AFF3: variants seen among roughly 807,000 people sequenced by gnomAD.
AFF3 encodes ALF transcription elongation factor 3.
In AFF3, 32 loss-of-function variants were observed where a neutral mutation model predicts 129.7. The ratio of observed to expected loss-of-function variants is 0.25; its 90% CI spans 0.19 to 0.33. The LOEUF is 0.33. Ranked by LOEUF, AFF3 falls within the 10% of genes least tolerant of loss-of-function variation. The probability of loss-of-function intolerance (pLI) is 1.00; values close to 1 mark genes in which losing one functional copy is unlikely to be tolerated. For synonymous variants in AFF3, 644 were observed against 635.4 expected (o/e 1.01, Z -0.20); for missense variants, 1,373 against 1,592.0 (o/e 0.86, Z 2.34).
intron 11 of AFF3, among the ~76,000 whole-genome samples, chr2:99,673,180 T>A (rs530881252): frequency 2.0e-5 from 3 of 151,832 alleles, no homozygotes; most frequent in Non-Finnish European, 2.9e-5. Flanking sequence ...GGGGCTTTCA[T>A]GGTAAAGAGA....
At chr2:99,787,360 G>A (rs1684877302) in intron 8 of AFF3, among the ~76,000 whole-genome samples, 1 of 152,120 alleles carries the variant, frequency 6.6e-6, no homozygotes. Flanking sequence ...CCTTCGGATA[G>A]CTGTGACCCC....
rs3072544 is a variant in AFF3, at chr2:99,867,576, TAAA to T, written c.874-30055_874-30053del. On this transcript the variant is annotated intron_variant, in intron 7 of 24. Transcript: ENST00000672756. ...CTCCCCAAGGCCTATATTTCTATAT[TAAA>T]AAAAAAAAAAAAAACATAGCTGGCA... Among the ~76,000 whole-genome samples, 122 of 141,352 alleles carry T rather than the reference TAAA, an allele frequency of 8.6e-4. 2 individuals carry two copies. The East Asian group carries it at 0.017, about 20-fold the overall frequency. 92.7% of individuals were successfully genotyped at this position (141,352 alleles called of 152,430 possible). A position where few individuals can be genotyped will look rare whatever the true frequency, so the allele number is the denominator to read the frequency against.
At chr2:99,812,511 A>G (rs1424786819) in intron 8 of AFF3, among the ~76,000 whole-genome samples, 1 of 152,230 alleles carries the variant, frequency 6.6e-6, no homozygotes, top group Non-Finnish European at 1.5e-5. Context: ...GGCATCGTCC[A>G]TGACTCTGAC....
chr2:100,086,792 G>A (rs902776374), intron 4 of AFF3, among the ~76,000 whole-genome samples: 10 of 152,170 alleles, frequency 6.6e-5, no homozygotes, highest in Non-Finnish European at 1.3e-4. Context: ...TAATAGAAAA[G>A]CTAAGATTTA....
chr2:100,141,414 T>C (rs1456325526), intron 1 of AFF3, among the ~76,000 whole-genome samples: 4 of 152,240 alleles, frequency 2.6e-5, no homozygotes, highest in Non-Finnish European at 1.5e-5. Context: ...TGAGATGGGA[T>C]AGCCCTAGGT....
At chr2:100,088,938 C>G (rs1689657498) in intron 4 of AFF3, among the ~76,000 whole-genome samples, 1 of 152,232 alleles carries the variant, frequency 6.6e-6, no homozygotes, top group African/African-American at 2.4e-5. Context: ...TGGTATCTAT[C>G]CTAATAATAC....
chr2:99,738,741 A>G (rs1404297212), intron 10 of AFF3, among the ~76,000 whole-genome samples: 1 of 152,100 alleles, frequency 6.6e-6, no homozygotes, highest in Non-Finnish European at 1.5e-5. Context: ...GTAAGTGGGC[A>G]GGGTATGCTG....
At chr2:99,854,592 T>C (rs980096863) in intron 7 of AFF3, among the ~76,000 whole-genome samples, 1 of 152,214 alleles carries the variant, frequency 6.6e-6, no homozygotes, top group Admixed American at 6.5e-5. Context: ...AGTCATTAAT[T>C]ACAGCTCACA....
intron 11 of AFF3, among the ~76,000 whole-genome samples, chr2:99,690,691 C>G (rs186881741): frequency 6.6e-6 from 1 of 151,826 alleles, no homozygotes; most frequent in Non-Finnish European, 1.5e-5. Flanking sequence ...AATCCATGTA[C>G]GACTTTTTAG....
intron 7 of AFF3, among the ~76,000 whole-genome samples, chr2:99,972,456 C>T (rs577039738): frequency 6.6e-6 from 1 of 152,248 alleles, no homozygotes; most frequent in Non-Finnish European, 1.5e-5. Context: ...AAGAAGGGGA[C>T]GTTTAGAAAA....
At chr2:99,604,147 A>T (rs1370615721) in intron 13 of AFF3, among the ~76,000 whole-genome samples, 1 of 152,142 alleles carries the variant, frequency 6.6e-6, no homozygotes, top group African/African-American at 2.4e-5. Flanking sequence ...AATATAGATC[A>T]CTCTATCATA....
intron 2 of AFF3, among the ~76,000 whole-genome samples, chr2:100,118,152 A>T (rs568356193): frequency 1.3e-5 from 2 of 152,306 alleles, no homozygotes; most frequent in South Asian, 4.1e-4. Flanking sequence ...TTAGATCCTT[A>T]ATGCCCTTAT....
intron 8 of AFF3, among the ~76,000 whole-genome samples, chr2:99,766,580 G>T (rs1683040232): frequency 6.6e-6 from 1 of 152,086 alleles, no homozygotes; most frequent in South Asian, 2.1e-4. Flanking sequence ...TCAGAAATAA[G>T]GTTAAACTAT....
chr2:100,001,305 T>C (rs909039028), intron 7 of AFF3, among the ~76,000 whole-genome samples: 16 of 152,232 alleles, frequency 1.1e-4, no homozygotes, highest in Non-Finnish European at 1.8e-4. Context: ...AAAAAGTCTC[T>C]AGCACCTTCA....
intron 11 of AFF3, among the ~76,000 whole-genome samples, chr2:99,688,412 C>T (rs779042335): frequency 6.6e-6 from 1 of 152,184 alleles, no homozygotes; most frequent in Non-Finnish European, 1.5e-5. Flanking sequence ...AGATGCTTGA[C>T]CAGCAAAAGC....
intron 4 of AFF3, among the ~76,000 whole-genome samples, chr2:100,030,194 C>T (rs1684383183): frequency 1.3e-5 from 2 of 152,068 alleles, no homozygotes; most frequent in African/African-American, 4.8e-5. Flanking sequence ...TACATGTTGA[C>T]ACATTTCATT....
At chr2:99,917,989 TA>T (rs1199132495) in intron 7 of AFF3, among the ~76,000 whole-genome samples, 2 of 152,194 alleles carry the variant, frequency 1.3e-5, no homozygotes, top group African/African-American at 4.8e-5. Flanking sequence ...GCCTGAATGG[TA>T]ATATGCTAGT....
chr2:100,091,088 G>C (rs1312222456), intron 4 of AFF3, among the ~76,000 whole-genome samples: 1 of 152,024 alleles, frequency 6.6e-6, no homozygotes, highest in Non-Finnish European at 1.5e-5. Flanking sequence ...GTGATGTGTA[G>C]GGGCTCTGGA....
Position 99,648,917 on chromosome 2 carries a change from A to ACACACACACACACACT in AFF3, c.1184+708_1184+709insAGTGTGTGTGTGTGTG. On this transcript the variant is annotated intron_variant, in intron 13 of 24. Transcript: ENST00000672756. Reference sequence around the variant, plus strand: ...CACACACACACACACACACACACACACTCTCTCTCTCTCTCTCTCTCCAAT... The same window carrying ACACACACACACACACT: ...CACACACACACACACACACACACACACACACACACACACACTCTCTCTCTCTCTCTCTCTCTCCAAT... 2.6e-3 allele frequency among the ~76,000 whole-genome samples: 123 copies of ACACACACACACACACT among 46,890 alleles called. 1 individual carries two copies. The highest frequency in any genetic ancestry group is 0.011 in the Middle Eastern group (1 of 94). The allele number at this position is 46,890 out of a possible 152,430, so 30.8% of individuals were successfully genotyped here. A position where few individuals can be genotyped will look rare whatever the true frequency, so the allele number is the denominator to read the frequency against.
Sources: gnomAD v4.1 joint callset for allele counts (sites outside exome capture counted in the v4.1 genomes callset) on GRCh38, gnomAD v4.1.1 for gene constraint, MANE v1.5 for transcripts, NCBI Gene and HGNC (gene_info 2026-07-23, HGNC 2026-07-21) for gene names.